TNFRSF1B: variants seen among roughly 807,000 people sequenced by gnomAD.
TNFRSF1B encodes TNF receptor superfamily member 1B, also known as tumor necrosis factor receptor superfamily member 1B.
TNFRSF1B carries 19 observed loss-of-function variants against 44.6 expected under a neutral mutation model. The ratio of observed to expected loss-of-function variants is 0.43; its 90% CI spans 0.30 to 0.62. The LOEUF is 0.62. TNFRSF1B is among the 20% of genes least tolerant of loss of function. The pLI is 0.16. For synonymous variants in TNFRSF1B, 252 were observed against 261.1 expected (o/e 0.97, Z 0.34); for missense variants, 541 against 619.9 (o/e 0.87, Z 1.35).
At chr1:12,189,551 T>C (rs367835684) in intron 2 of TNFRSF1B, among the ~76,000 whole-genome samples, 1 of 152,354 alleles carries the variant, frequency 6.6e-6, no homozygotes, top group South Asian at 2.1e-4. Flanking sequence ...GTGCCCTCCA[T>C]CTATTCATTT....
intron 1 of TNFRSF1B, among the ~76,000 whole-genome samples, chr1:12,185,730 G>A (rs954054757): frequency 6.6e-6 from 1 of 152,188 alleles, no homozygotes; most frequent in Non-Finnish European, 1.5e-5. Context: ...CGGCCCTGGC[G>A]CTGGAGTTAG....
chr1:12,204,817 A>C (rs1006381333), intron 9 of TNFRSF1B, among the ~76,000 whole-genome samples: 6 of 150,808 alleles, frequency 4.0e-5, no homozygotes, highest in Middle Eastern at 3.2e-3. Flanking sequence ...ACCACCACCA[A>C]CAAAAAAACC....
intron 1 of TNFRSF1B, among the ~76,000 whole-genome samples, chr1:12,175,877 A>G (rs2101081735): frequency 6.6e-6 from 1 of 152,276 alleles, no homozygotes; most frequent in South Asian, 2.1e-4. Flanking sequence ...ATGAGTGGCT[A>G]CAGGGAGGAG....
At chr1:12,185,936 C>T (rs934644949) in intron 1 of TNFRSF1B, among the ~76,000 whole-genome samples, 9 of 152,166 alleles carry the variant, frequency 5.9e-5, no homozygotes, top group African/African-American at 2.2e-4. Flanking sequence ...GGACTCTGGG[C>T]CTGAGTGACT....
Position 12,207,223 on chromosome 1 carries a change from C to A in TNFRSF1B, c.*203C>A. The A allele has an allele frequency of 2.0e-6, 1 of 502,838 alleles. No homozygotes were observed. The highest frequency in any genetic ancestry group is 3.4e-6 in the Non-Finnish European group (1 of 297,568). The allele number at this position is 502,838 out of a possible 1,614,324, so 31.1% of individuals were successfully genotyped here. A position where few individuals can be genotyped will look rare whatever the true frequency, so the allele number is the denominator to read the frequency against. On this transcript the variant is annotated 3_prime_UTR_variant, in exon 10 of 10. Coordinates refer to ENST00000376259, the MANE Select transcript of TNFRSF1B (RefSeq NM_001066.3). ...AGAGGCAGCGAGTTGTGGAAAGCCT[C>A]TGCTGCCATGGCGTGTCCCTCTCGG...
In TNFRSF1B at chr1:12,199,853, C is replaced by G. The variant is rs1484480693; in HGVS notation, c.901-2114C>G. 6.6e-6 allele frequency among the ~76,000 whole-genome samples: 1 copy of G among 152,198 alleles called. No homozygotes were observed. Among genetic ancestry groups the G allele is most frequent in the African/African-American group, 2.4e-5 (1 of 41,446 alleles). ...TTTTCATCCTGGGCAGGCCAGGGGCCAGGGCAGCTGTTGGGAATGTGGCCT... is the reference window on the plus strand; with the variant it reads ...TTTTCATCCTGGGCAGGCCAGGGGCGAGGGCAGCTGTTGGGAATGTGGCCT... On this transcript the variant is annotated intron_variant, in intron 8 of 9. Coordinates refer to ENST00000376259, the MANE Select transcript of TNFRSF1B (RefSeq NM_001066.3). The surrounding 1 kb of genome is among the most constrained non-coding windows in gnomAD (Gnocchi z 4.0).
At chr1:12,197,193 C>A (rs1040868320) in intron 8 of TNFRSF1B, among the ~76,000 whole-genome samples, 4 of 152,122 alleles carry the variant, frequency 2.6e-5, no homozygotes, top group African/African-American at 9.7e-5. Flanking sequence ...AGTGATCTGC[C>A]CACCTCGGTC....
intron 1 of TNFRSF1B, among the ~76,000 whole-genome samples, chr1:12,183,889 C>T (rs750002920): frequency 1.2e-3 from 188 of 151,798 alleles, no homozygotes; most frequent in Non-Finnish European, 1.9e-3. Flanking sequence ...CCATCCTCTC[C>T]GATTCCCTCA....
At chr1:12,192,780 C>T in intron 5 of TNFRSF1B, 83 bp from the exon 6 acceptor site, 2 of 1,226,956 alleles carry the variant, frequency 1.6e-6, no homozygotes, top group Non-Finnish European at 2.3e-6. Context: ...TCCTATCCTG[C>T]CTGCTGGGGC....
chr1:12,193,179 T>C lies in TNFRSF1B; in HGVS notation c.787+81T>C, dbSNP rs1165556606. On this transcript the variant is annotated intron_variant, in intron 6 of 9. Transcript: ENST00000376259. ...TCTCTTTCTTCCTCTCCCATGGTTT[T>C]ACTGAGAGCCCACGGGGGGCTGGAC... is the stretch of plus-strand genomic sequence containing the variant. 2.3e-6 allele frequency: 3 copies of C among 1,318,438 alleles called. No homozygotes were observed. In the African/African-American group the frequency reaches 4.4e-5, roughly 19 times the overall value. The allele number at this position is 1,318,438 out of a possible 1,614,324, so 81.7% of individuals were successfully genotyped here. A position where few individuals can be genotyped will look rare whatever the true frequency, so the allele number is the denominator to read the frequency against.
In TNFRSF1B at chr1:12,177,169, AT is replaced by A. The variant is rs1392175105; in HGVS notation, c.78+10006del. ...AGGCGTGCCCCACCACGCCTGGCTA[AT>A]TTTTTGTATTTTTTTTAGTAGAGAT... On this transcript the variant is annotated intron_variant, in intron 1 of 9. Coordinates refer to ENST00000376259, the MANE Select transcript of TNFRSF1B (RefSeq NM_001066.3). This position sits in a 1 kb window ranked among gnomAD's most constrained non-coding sequence, Gnocchi z 4.3. Among the ~76,000 whole-genome samples the A allele has an allele frequency of 4.6e-5, 7 of 151,892 alleles. No individual in the cohort carries two copies. Among genetic ancestry groups the A allele is most frequent in the African/African-American group, 1.4e-4 (6 of 41,426 alleles).
At chr1:12,205,828 A>G (rs1476394190) in intron 9 of TNFRSF1B, among the ~76,000 whole-genome samples, 3 of 151,644 alleles carry the variant, frequency 2.0e-5, no homozygotes, top group Non-Finnish European at 2.9e-5. Context: ...GAGTTTCACC[A>G]TGTTGGCCAG....
At chr1:12,176,872 C>T (rs938405293) in intron 1 of TNFRSF1B, among the ~76,000 whole-genome samples, 2 of 152,154 alleles carry the variant, frequency 1.3e-5, no homozygotes, top group Non-Finnish European at 2.9e-5. Context: ...AGCCTTTGGA[C>T]TGGGCCGTGG....
chr1:12,206,803 G>A lies in TNFRSF1B; in HGVS notation c.1169G>A (p.Ser390Asn). Residue 390 changes from serine to asparagine, a missense_variant, in exon 10 of 10, where the codon AGC becomes AAC. Ser to Asn is a conservative substitution (Grantham distance 46). Coordinates refer to ENST00000376259, the MANE Select transcript of TNFRSF1B (RefSeq NM_001066.3). ...NVTCIVNVCSSSDHSSQCSSQ... is the reference protein window; with the variant it reads ...NVTCIVNVCSNSDHSSQCSSQ... ...ACCTGCATCGTGAACGTCTGTAGCA[G>A]CTCTGACCACAGCTCACAGTGCTCC... The A allele has an allele frequency of 5.6e-6, 9 of 1,613,980 alleles. No individual in the cohort carries two copies. The highest frequency in any genetic ancestry group is 7.6e-6 in the Non-Finnish European group (9 of 1,179,890).
intron 8 of TNFRSF1B, among the ~76,000 whole-genome samples, chr1:12,201,260 C>T (rs1273015640): frequency 3.6e-5 from 2 of 55,802 alleles, no homozygotes; most frequent in East Asian, 1.1e-3. Flanking sequence ...GACCCTGTCT[C>T]AAAAAAAAAA....
intron 1 of TNFRSF1B, among the ~76,000 whole-genome samples, chr1:12,179,379 C>T (rs1326156687): frequency 1.3e-5 from 2 of 152,218 alleles, no homozygotes; most frequent in African/African-American, 4.8e-5. Flanking sequence ...CATGGGGCTC[C>T]TGTGAACCCC....
chr1:12,185,344 C>T (rs142443184), intron 1 of TNFRSF1B, among the ~76,000 whole-genome samples: 3,383 of 152,292 alleles, frequency 0.022, 46 homozygotes, highest in Non-Finnish European at 0.035. Context: ...GTACAGCTTC[C>T]TGGGCCCACC....
chr1:12,183,048 G>A (rs1309175080), intron 1 of TNFRSF1B, among the ~76,000 whole-genome samples: 4 of 152,232 alleles, frequency 2.6e-5, no homozygotes, highest in Non-Finnish European at 5.9e-5. Flanking sequence ...GAGCACCTGC[G>A]AATGTCAGTG....
At chr1:12,191,968 C>G in intron 4 of TNFRSF1B, 45 bp downstream of exon 4, 1 of 1,584,392 alleles carries the variant, frequency 6.3e-7, no homozygotes, top group Non-Finnish European at 8.6e-7. Flanking sequence ...ATGGGCCTCT[C>G]CTTTGTAGAC....
Sources: gnomAD v4.1 joint callset for allele counts (sites outside exome capture counted in the v4.1 genomes callset) on GRCh38, gnomAD v4.1.1 for gene constraint, Gnocchi (gnomAD v3.1) non-coding constraint, MANE v1.5 for transcripts, NCBI Gene and HGNC (gene_info 2026-07-23, HGNC 2026-07-21) for gene names.